The following ROBO2 variants were observed in gnomAD, a reference collection of about 807,000 sequenced individuals.
ROBO2 encodes the protein roundabout homolog 2.
In ROBO2, 53 loss-of-function variants were observed where a neutral mutation model predicts 160.8. The ratio of observed to expected loss-of-function variants is 0.33; its 90% CI spans 0.26 to 0.41. ROBO2 has a LOEUF of 0.41. Ranked by LOEUF, ROBO2 falls within the 10% of genes least tolerant of loss-of-function variation. The pLI, the probability that ROBO2 is intolerant of heterozygous loss-of-function variation, is 1.00. For synonymous variants in ROBO2, 664 were observed against 611.7 expected (o/e 1.09, Z -1.26); for missense variants, 1,577 against 1,722.4 (o/e 0.92, Z 1.49).
intron 2 of ROBO2, among the ~76,000 whole-genome samples, chr3:76,597,412 G>GTA (rs2108894344): frequency 6.6e-6 from 1 of 151,944 alleles, no homozygotes; most frequent in East Asian, 1.9e-4. Flanking sequence ...AAACTCAATA[G>GTA]TAAAACAAAC....
chr3:75,985,047 C>T (rs943911482), intron 2 of ROBO2, among the ~76,000 whole-genome samples: 3 of 151,370 alleles, frequency 2.0e-5, no homozygotes, highest in Non-Finnish European at 4.4e-5. Context: ...ACACATATGT[C>T]ATTTTTATTT....
rs1403538358 is a variant in ROBO2, at chr3:76,923,476, T to C, written c.110-174538T>C. ...GTGTATATGATTGTTATTAGCAAAA[T>C]AGAGTCTCTATTTCATCAAATAGGC... On this transcript the variant is annotated intron_variant, in intron 2 of 26. Coordinates refer to the ROBO2 transcript ENST00000487694. Among the ~76,000 whole-genome samples, 4 of 152,172 alleles carry C rather than the reference T, an allele frequency of 2.6e-5. No individual in the cohort carries two copies. In the East Asian group the frequency reaches 5.8e-4, roughly 22 times the overall value.
At chr3:76,628,437 T>G (rs1056759017) in intron 2 of ROBO2, among the ~76,000 whole-genome samples, 2 of 150,598 alleles carry the variant, frequency 1.3e-5, no homozygotes, top group African/African-American at 2.4e-5. Flanking sequence ...TTTTAGGTTT[T>G]TTTTTTTTTT....
chr3:77,500,577 G>C (rs185310361), intron 5 of ROBO2, among the ~76,000 whole-genome samples: 1 of 152,090 alleles, frequency 6.6e-6, no homozygotes, highest in African/African-American at 2.4e-5. Context: ...GACCAACTTC[G>C]TAAGCCACAC....
chr3:76,252,042 A>G (rs1232808022), intron 2 of ROBO2, among the ~76,000 whole-genome samples: 1 of 152,090 alleles, frequency 6.6e-6, no homozygotes, highest in Non-Finnish European at 1.5e-5. Context: ...TGGTGGTTTT[A>G]AATAAAGTGA....
At chr3:76,257,483 G>A (rs1706473051) in intron 2 of ROBO2, among the ~76,000 whole-genome samples, 1 of 152,132 alleles carries the variant, frequency 6.6e-6, no homozygotes, top group Non-Finnish European at 1.5e-5. Flanking sequence ...ATTATATGAT[G>A]TTTACCTAAT....
intron 2 of ROBO2, among the ~76,000 whole-genome samples, chr3:75,963,101 A>G (rs1948981480): frequency 6.6e-6 from 1 of 151,904 alleles, no homozygotes; most frequent in Admixed American, 6.6e-5. Context: ...ACTATATAAA[A>G]GAGAAAAATC....
chr3:76,888,237 G>T (rs562677499), intron 2 of ROBO2, among the ~76,000 whole-genome samples: 8 of 152,074 alleles, frequency 5.3e-5, no homozygotes, highest in African/African-American at 1.7e-4. Flanking sequence ...GTGTAGTGGT[G>T]CACGCCTGTA....
intron 2 of ROBO2, among the ~76,000 whole-genome samples, chr3:76,916,007 G>A (rs1004710461): frequency 3.9e-5 from 6 of 152,042 alleles, no homozygotes; most frequent in Admixed American, 6.6e-5. Flanking sequence ...AGTCACATGG[G>A]CTCCACCCTC....
chr3:76,653,406 A>G (rs2091343151), intron 2 of ROBO2, among the ~76,000 whole-genome samples: 1 of 150,536 alleles, frequency 6.6e-6, no homozygotes, highest in Non-Finnish European at 1.5e-5. Context: ...TATGAATATT[A>G]AATATATATT....
At chr3:77,284,567 T>TTTG (rs1351254102) in intron 2 of ROBO2, among the ~76,000 whole-genome samples, 1 of 152,176 alleles carries the variant, frequency 6.6e-6, no homozygotes, top group Admixed American at 6.5e-5. Flanking sequence ...CAAACTACAT[T>TTTG]ACTGTAGTCT....
At position 77,278,691 on chromosome 3, in the gene ROBO2, A is replaced by G. The variant is rs556380103; in HGVS notation, c.388+180351A>G. Among the ~76,000 whole-genome samples the G allele has an allele frequency of 6.6e-5, 10 of 152,264 alleles. No individual in the cohort carries two copies. The East Asian group carries it at 1.9e-3, about 29-fold the overall frequency. On this transcript the variant is annotated intron_variant, in intron 2 of 25. Transcript: ENST00000461745. ...ATTTTAAATACTGGTTTAAATAGCT[A>G]ATTTTATTGATGGTTATAATGCGAG...
chr3:77,099,071 C>CT (rs750626067), intron 2 of ROBO2, among the ~76,000 whole-genome samples: 29,429 of 120,736 alleles, frequency 0.24, 4,270 homozygotes, highest in East Asian at 0.39. Flanking sequence ...TTCTTTCTTT[C>CT]TTTTTTTTTT....
intron 2 of ROBO2, among the ~76,000 whole-genome samples, chr3:77,207,630 C>T (rs1167486365): frequency 6.6e-6 from 1 of 152,044 alleles, no homozygotes; most frequent in African/African-American, 2.4e-5. Context: ...TGTGGCTGTA[C>T]AAAATCCAAA....
chr3:76,577,352 T>A (rs2085374323), intron 2 of ROBO2, among the ~76,000 whole-genome samples: 1 of 152,170 alleles, frequency 6.6e-6, no homozygotes, highest in Non-Finnish European at 1.5e-5. Flanking sequence ...TTGGGAAACA[T>A]AATTATTTTG....
chr3:76,548,366 A>T (rs1327237630), intron 2 of ROBO2, among the ~76,000 whole-genome samples: 1 of 152,160 alleles, frequency 6.6e-6, no homozygotes, highest in Non-Finnish European at 1.5e-5. Flanking sequence ...CAGCCCTGGA[A>T]ATAGTATAAA....
At chr3:76,695,496 A>C (rs2092908433) in intron 2 of ROBO2, among the ~76,000 whole-genome samples, 1 of 152,230 alleles carries the variant, frequency 6.6e-6, no homozygotes, top group Non-Finnish European at 1.5e-5. Context: ...AAGAAGCTTT[A>C]TAATGAGAAA....
intron 2 of ROBO2, among the ~76,000 whole-genome samples, chr3:77,459,570 C>A (rs571237494): frequency 3.4e-4 from 52 of 152,226 alleles, no homozygotes; most frequent in Non-Finnish European, 5.7e-4. Context: ...AACAAGAATA[C>A]TTTTACACAG....
intron 2 of ROBO2, among the ~76,000 whole-genome samples, chr3:75,972,695 A>C (rs1243579190): frequency 1.3e-5 from 2 of 151,672 alleles, no homozygotes; most frequent in Non-Finnish European, 3.0e-5. Context: ...TATTACATTG[A>C]GACATAAATT....
Sources: allele counts gnomAD v4.1 joint callset (sites outside exome capture counted in the v4.1 genomes callset), GRCh38; gene constraint gnomAD v4.1.1; transcripts MANE v1.5; gene names NCBI Gene and HGNC (gene_info 2026-07-23, HGNC 2026-07-21).